PRKCA: variants seen among roughly 807,000 people sequenced by gnomAD.
The protein encoded by PRKCA is protein kinase C alpha type.
PRKCA carries 27 observed loss-of-function variants against 87.0 expected under a neutral mutation model. The ratio of observed to expected loss-of-function variants is 0.31; its 90% CI spans 0.23 to 0.43. The LOEUF is 0.43. Among genes scored for constraint, PRKCA ranks in the 20% least tolerant of loss-of-function variants. The pLI is 1.00. For synonymous variants in PRKCA, 329 were observed against 311.1 expected (o/e 1.06, Z -0.61); for missense variants, 518 against 852.3 (o/e 0.61, Z 4.88).
At chr17:66,731,716 C>G (rs937257090) in intron 8 of PRKCA, among the ~76,000 whole-genome samples, 3 of 151,348 alleles carry the variant, frequency 2.0e-5, no homozygotes, top group Admixed American at 1.3e-4. Context: ...TCTGGTAGCT[C>G]GCCCACCAGG....
intron 2 of PRKCA, among the ~76,000 whole-genome samples, chr17:66,436,536 A>C (rs766331313): frequency 3.3e-5 from 5 of 152,206 alleles, no homozygotes. Flanking sequence ...GTGAATATTC[A>C]TTGTATTGAA....
intron 3 of PRKCA, among the ~76,000 whole-genome samples, chr17:66,555,003 G>A (rs1452569125): frequency 2.0e-5 from 3 of 151,204 alleles, no homozygotes; most frequent in East Asian, 1.9e-4. Context: ...TCAACCTCCC[G>A]AGTAGCTGAG....
At chr17:66,445,721 C>T (rs916111079) in intron 2 of PRKCA, among the ~76,000 whole-genome samples, 2 of 152,094 alleles carry the variant, frequency 1.3e-5, no homozygotes, top group African/African-American at 2.4e-5. Flanking sequence ...CAGAGGATGC[C>T]AGAGGCAGAA....
At chr17:66,602,577 C>T (rs1361361050) in intron 3 of PRKCA, among the ~76,000 whole-genome samples, 4 of 152,208 alleles carry the variant, frequency 2.6e-5, no homozygotes, top group Non-Finnish European at 4.4e-5. Flanking sequence ...TCCTATTCGG[C>T]CATCTTGGCT....
chr17:66,804,881 C>A lies in PRKCA; in HGVS notation c.*844C>A. ...ATCCAGGGTGCCATCAGTAATCATGCCACTACTCACCAGTGTTGTTCACCA... is the reference window on the plus strand; with the variant it reads ...ATCCAGGGTGCCATCAGTAATCATGACACTACTCACCAGTGTTGTTCACCA... On this transcript the variant is annotated 3_prime_UTR_variant, in exon 17 of 17. Coordinates refer to ENST00000413366, the MANE Select transcript of PRKCA (RefSeq NM_002737.3). The A allele has an allele frequency of 2.1e-6, 1 of 467,524 alleles. No homozygotes were observed. Among genetic ancestry groups the A allele is most frequent in the Non-Finnish European group, 2.8e-6 (1 of 356,714 alleles). 29.0% of individuals were successfully genotyped at this position (467,524 alleles called of 1,614,324 possible).
At chr17:66,503,169 A>G (rs1259225965) in intron 3 of PRKCA, among the ~76,000 whole-genome samples, 1 of 152,216 alleles carries the variant, frequency 6.6e-6, no homozygotes, top group East Asian at 1.9e-4. Flanking sequence ...GTCTGGAGGT[A>G]GTAAGCTTTC....
intron 14 of PRKCA, among the ~76,000 whole-genome samples, chr17:66,781,864 GAGAGAT>G (rs547434175): frequency 2.7e-3 from 314 of 117,372 alleles, no homozygotes; most frequent in South Asian, 3.5e-3. Context: ...GAGAGAGAGA[GAGAGAT>G]ATATATATAT....
chr17:66,544,248 C>T (rs2143156825), intron 3 of PRKCA, among the ~76,000 whole-genome samples: 1 of 152,056 alleles, frequency 6.6e-6, no homozygotes, highest in East Asian at 1.9e-4. Flanking sequence ...AAAGATTTCT[C>T]ATGGCCACTT....
intron 8 of PRKCA, among the ~76,000 whole-genome samples, chr17:66,713,049 C>CTTTTTTTTTTTTTTT (rs564655403): frequency 1.9e-5 from 2 of 104,432 alleles, no homozygotes; most frequent in African/African-American, 3.8e-5. Context: ...CTTTGTTGTC[C>CTTTTTTTTTTTTTTT]TTTTTTTTTT....
At position 66,646,201 on chromosome 17, in the gene PRKCA, C is replaced by T. The variant is rs1239028222; in HGVS notation, c.529+690C>T. Among the ~76,000 whole-genome samples the T allele has an allele frequency of 2.6e-5, 4 of 152,110 alleles. No individual in the cohort carries two copies. In the South Asian group the frequency reaches 6.2e-4, roughly 24 times the overall value. ...CCTACAAACAGCCTGGCTATGGGAC[C>T]GGAATTCCCTATCCAGGGGCCTGGT... On this transcript the variant is annotated intron_variant, in intron 5 of 16. Transcript: ENST00000413366.
intron 3 of PRKCA, among the ~76,000 whole-genome samples, chr17:66,633,141 C>T (rs574755338): frequency 7.2e-5 from 11 of 152,288 alleles, no homozygotes; most frequent in Admixed American, 5.9e-4. Context: ...GCAGACCCAG[C>T]CGCCTGAGAA....
intron 2 of PRKCA, among the ~76,000 whole-genome samples, chr17:66,488,450 C>T (rs996833545): frequency 1.3e-5 from 2 of 152,120 alleles, no homozygotes; most frequent in African/African-American, 4.8e-5. Flanking sequence ...TAAGGCTCAC[C>T]TCTTGGTTGC....
chr17:66,656,712 TTC>T (rs1971743343), intron 5 of PRKCA, among the ~76,000 whole-genome samples: 1 of 152,156 alleles, frequency 6.6e-6, no homozygotes, highest in African/African-American at 2.4e-5. Context: ...TGTTTCCCGG[TTC>T]TCCATCAAAA....
rs202215228 is a variant in PRKCA at position 66,564,041 on chromosome 17, C to CCTTCCTTT, written c.288+67767_288+67774dup. 5.8e-3 allele frequency among the ~76,000 whole-genome samples: 872 copies of CCTTCCTTT among 149,502 alleles called. 31 individuals carry two copies. Among genetic ancestry groups the CCTTCCTTT allele is most frequent in the Admixed American group, 0.051 (760 of 14,774 alleles). On this transcript the variant is annotated intron_variant, in intron 3 of 16. Coordinates refer to ENST00000413366, the MANE Select transcript of PRKCA (RefSeq NM_002737.3). ...CTCTCTCTTTCTTTCTTCCTCTCTT[C>CCTTCCTTT]CTTCCTTTCTTCCTTTTCTTCCTTT...
intron 5 of PRKCA, among the ~76,000 whole-genome samples, chr17:66,671,925 T>G (rs767728349): frequency 3.0e-4 from 45 of 152,288 alleles, no homozygotes; most frequent in Non-Finnish European, 5.6e-4. Context: ...CTTATTCCAC[T>G]AATAATGTTG....
chr17:66,349,043 G>T (rs1468464579), intron 2 of PRKCA, among the ~76,000 whole-genome samples: 4 of 152,096 alleles, frequency 2.6e-5, no homozygotes, highest in Admixed American at 6.6e-5. Context: ...TTTCTCTTAC[G>T]AAGTGTTCAA....
intron 2 of PRKCA, among the ~76,000 whole-genome samples, chr17:66,490,345 CTT>C (rs566074276): frequency 2.2e-4 from 31 of 140,236 alleles, no homozygotes; most frequent in East Asian, 6.3e-4. Flanking sequence ...TTCCAGAACT[CTT>C]TTTTTTTTTT....
intron 2 of PRKCA, among the ~76,000 whole-genome samples, chr17:66,318,444 A>G (rs1905447032): frequency 6.6e-6 from 1 of 152,006 alleles, no homozygotes; most frequent in Non-Finnish European, 1.5e-5. Flanking sequence ...ACTAGGCACC[A>G]TAGCACATGC....
chr17:66,622,178 G>A (rs1970705031), intron 3 of PRKCA, among the ~76,000 whole-genome samples: 1 of 152,162 alleles, frequency 6.6e-6, no homozygotes, highest in Non-Finnish European at 1.5e-5. Flanking sequence ...GCCAGAGAGA[G>A]ACCTTGTCTG....
Sources: allele counts gnomAD v4.1 joint callset (sites outside exome capture counted in the v4.1 genomes callset), GRCh38; gene constraint gnomAD v4.1.1; transcripts MANE v1.5; gene names NCBI Gene and HGNC (gene_info 2026-07-23, HGNC 2026-07-21).